KIT: variants seen among roughly 807,000 people sequenced by gnomAD.
The protein encoded by KIT is mast/stem cell growth factor receptor Kit.
In KIT, 16 loss-of-function variants were observed where a neutral mutation model predicts 105.7. That is an observed-to-expected ratio of 0.15 (90% CI 0.10 to 0.23). The LOEUF (loss-of-function observed/expected upper bound fraction) is 0.23. Ranked by LOEUF, KIT falls within the 10% of genes least tolerant of loss-of-function variation. KIT has a pLI of 1.00. For synonymous variants in KIT, 438 were observed against 441.1 expected (o/e 0.99, Z 0.09); for missense variants, 858 against 1,213.8 (o/e 0.71, Z 4.36).
chr4:54,715,268 T>C (rs1188415722), intron 7 of KIT, among the ~76,000 whole-genome samples: 1 of 151,950 alleles, frequency 6.6e-6, no homozygotes, highest in Non-Finnish European at 1.5e-5. Flanking sequence ...GAACCAATTC[T>C]AGGGAGAAGC....
intron 8 of KIT, 141 bp downstream of exon 8, chr4:54,723,839 GA>G: frequency 1.5e-6 from 1 of 682,002 alleles, no homozygotes; most frequent in South Asian, 1.7e-5. Flanking sequence ...TGGCTTTTTA[GA>G]AGGGATAATT....
At chr4:54,734,367 G>A (rs1327117564) in intron 17 of KIT, among the ~76,000 whole-genome samples, 2 of 152,218 alleles carry the variant, frequency 1.3e-5, no homozygotes, top group Non-Finnish European at 2.9e-5. Flanking sequence ...GGGAATAATA[G>A]TGATTCCTGA....
At chr4:54,659,282 G>T (rs1717062825) in intron 1 of KIT, among the ~76,000 whole-genome samples, 1 of 152,200 alleles carries the variant, frequency 6.6e-6, no homozygotes, top group South Asian at 2.1e-4. Context: ...GGTTGCTGGA[G>T]CCCCTTGGTC....
chr4:54,738,323 T>G, intron 20 of KIT, 106 bp from the exon 21 acceptor site: 2 of 1,370,084 alleles, frequency 1.5e-6, no homozygotes, highest in Non-Finnish European at 2.1e-6. Flanking sequence ...ACTTCTCTCT[T>G]AAGAGTTTCC....
chr4:54,679,864 C>T (rs936749433), intron 1 of KIT, among the ~76,000 whole-genome samples: 3 of 152,128 alleles, frequency 2.0e-5, no homozygotes, highest in African/African-American at 7.2e-5. Context: ...AATGATACAA[C>T]ATAGATGAAC....
chr4:54,696,212 A>C (rs1452480123), intron 2 of KIT, among the ~76,000 whole-genome samples: 3 of 152,158 alleles, frequency 2.0e-5, no homozygotes, highest in African/African-American at 4.8e-5. Flanking sequence ...TTAAGGAGTA[A>C]ATTTCAGAAA....
At chr4:54,705,470 C>T (rs1055993913) in intron 5 of KIT, among the ~76,000 whole-genome samples, 2 of 152,128 alleles carry the variant, frequency 1.3e-5, no homozygotes, top group African/African-American at 4.8e-5. Flanking sequence ...AGATATACAA[C>T]ATGATGTTAT....
At chr4:54,713,812 G>GT (rs1302405156) in intron 7 of KIT, among the ~76,000 whole-genome samples, 1 of 152,152 alleles carries the variant, frequency 6.6e-6, no homozygotes, top group African/African-American at 2.4e-5. Flanking sequence ...GACAATTTGT[G>GT]TTAAGAAAAC....
At chr4:54,708,446 A>C (rs942697816) in intron 6 of KIT, among the ~76,000 whole-genome samples, 1 of 152,150 alleles carries the variant, frequency 6.6e-6, no homozygotes, top group Non-Finnish European at 1.5e-5. Context: ...AGTCTTATCC[A>C]GGAGCTGAGC....
Position 54,672,339 on chromosome 4 carries a change from G to T in KIT, c.67+14258G>T, listed in dbSNP as rs187521255. Among the ~76,000 whole-genome samples, 5 of 152,100 alleles carry T rather than the reference G, an allele frequency of 3.3e-5. No individual in the cohort carries two copies. The East Asian group carries it at 9.7e-4, about 29-fold the overall frequency. Reference sequence around the variant, plus strand: ...TTAATGAGGGTACTGTGTAAGTGGTGTGTTCTCTTGTTCTGCTTTCTCTTT... The same window carrying T: ...TTAATGAGGGTACTGTGTAAGTGGTTTGTTCTCTTGTTCTGCTTTCTCTTT... On this transcript the variant is annotated intron_variant, in intron 1 of 20. Transcript: ENST00000288135.
Position 54,738,797 on chromosome 4 carries a change from A to G in KIT, c.*240A>G. 1.6e-6 allele frequency: 1 copy of G among 610,408 alleles called. No homozygotes were observed. Among genetic ancestry groups the G allele is most frequent in the East Asian group, 2.7e-5 (1 of 36,478 alleles). The allele number at this position is 610,408 out of a possible 1,614,324, so 37.8% of individuals were successfully genotyped here. On this transcript the variant is annotated 3_prime_UTR_variant, in exon 21 of 21. Coordinates refer to ENST00000288135, the MANE Select transcript of KIT (RefSeq NM_000222.3). ...ACGTAGCTTCTACCATGAACAGAAA[A>G]CATTCTGATTTGGAAAAAGAGAGGG...
chr4:54,709,038 G>T (rs1273405749), intron 6 of KIT, among the ~76,000 whole-genome samples: 4 of 152,082 alleles, frequency 2.6e-5, no homozygotes, highest in Admixed American at 6.5e-5. Flanking sequence ...GTGCATGCAG[G>T]GCAGGTGAGT....
chr4:54,737,816 T>G (rs764423478), intron 20 of KIT, among the ~76,000 whole-genome samples: 1 of 152,172 alleles, frequency 6.6e-6, no homozygotes, highest in African/African-American at 2.4e-5. Context: ...TTGGGAAGTG[T>G]GGGGGAATGA....
chr4:54,679,052 T>C (rs1718719396), intron 1 of KIT, among the ~76,000 whole-genome samples: 1 of 152,098 alleles, frequency 6.6e-6, no homozygotes, highest in Non-Finnish European at 1.5e-5. Context: ...TCCACCCAAG[T>C]GCAGCCTTTA....
intron 1 of KIT, 97 bp downstream of exon 1, chr4:54,658,178 T>A: frequency 8.0e-7 from 1 of 1,256,434 alleles, no homozygotes. Flanking sequence ...GAGAGAGGAC[T>A]GCGGGCCCTC....
chr4:54,715,861 A>G (rs1009989145), intron 7 of KIT, among the ~76,000 whole-genome samples: 3 of 152,188 alleles, frequency 2.0e-5, no homozygotes, highest in African/African-American at 7.2e-5. Flanking sequence ...TATCCAGAGT[A>G]AAATAATAAC....
At chr4:54,698,716 T>G (rs1267643561) in intron 3 of KIT, 151 bp downstream of exon 3, 1 of 886,692 alleles carries the variant, frequency 1.1e-6, no homozygotes, top group African/African-American at 1.7e-5. Flanking sequence ...TGCTTTTGAA[T>G]TTGTTTATTT....
chr4:54,679,701 C>G (rs891266522), intron 1 of KIT, among the ~76,000 whole-genome samples: 1 of 151,982 alleles, frequency 6.6e-6, no homozygotes, highest in African/African-American at 2.4e-5. Context: ...GAAAATCAGG[C>G]CTTTATAAAA....
intron 1 of KIT, among the ~76,000 whole-genome samples, chr4:54,694,155 C>A (rs1318880970): frequency 6.6e-6 from 1 of 152,158 alleles, no homozygotes; most frequent in Non-Finnish European, 1.5e-5. Context: ...ATGTGCTCCG[C>A]AAGGTACCCT....
Sources: allele counts gnomAD v4.1 joint callset (sites outside exome capture counted in the v4.1 genomes callset), GRCh38; gene constraint gnomAD v4.1.1; transcripts MANE v1.5; gene names NCBI Gene and HGNC (gene_info 2026-07-23, HGNC 2026-07-21).